The following DLGAP2 variants were observed in gnomAD, a reference collection of about 807,000 sequenced individuals.
The protein encoded by DLGAP2 is DLG associated protein 2.
DLGAP2 carries 26 observed loss-of-function variants against 100.3 expected under a neutral mutation model. The ratio of observed to expected loss-of-function variants is 0.26; its 90% CI spans 0.19 to 0.36. DLGAP2 has a LOEUF of 0.36. Ranked by LOEUF, DLGAP2 falls within the 10% of genes least tolerant of loss-of-function variation. The pLI, the probability that DLGAP2 is intolerant of heterozygous loss-of-function variation, is 1.00. For synonymous variants in DLGAP2, 886 were observed against 630.1 expected, an observed-to-expected ratio of 1.41 and a Z score of -6.08; for missense variants, 1,858 against 1,453.2, an observed-to-expected ratio of 1.28 and a Z score of -4.53.
At position 1,166,721 on chromosome 8, in the gene DLGAP2, A is replaced by G. The variant is rs569399858; in HGVS notation, c.74-92130A>G. Among the ~76,000 whole-genome samples the G allele has an allele frequency of 2.0e-5, 3 of 152,314 alleles. No individual in the cohort carries two copies. In the South Asian group the frequency reaches 6.2e-4, roughly 32 times the overall value. ...TGTGAACGTGTATCTATCAAAAAAC[A>G]TCACAGTTTACCTCTCAATAAATTA... On this transcript the variant is annotated intron_variant, in intron 2 of 14. Coordinates refer to ENST00000637795, the MANE Select transcript of DLGAP2 (RefSeq NM_001346810.2).
intron 6 of DLGAP2, among the ~76,000 whole-genome samples, chr8:1,600,699 T>C (rs1405572155): frequency 6.6e-6 from 1 of 152,254 alleles, no homozygotes; most frequent in Non-Finnish European, 1.5e-5. Flanking sequence ...CACGAAGTTC[T>C]CATGCTGCGT....
chr8:1,048,295 A>G (rs1381460731), intron 2 of DLGAP2, among the ~76,000 whole-genome samples: 3 of 152,080 alleles, frequency 2.0e-5, no homozygotes, highest in African/African-American at 7.2e-5. Flanking sequence ...AGGACACCCC[A>G]AGGCTCACAG....
rs77775446 is a variant in DLGAP2, at chr8:1,413,531, T to G, written c.107-87835T>G. Reference sequence around the variant, plus strand: ...TGCACTAAATCTGGCAAGTATAGAGTTATAATGGAAATGAAAAAATGTTTT... The same window carrying G: ...TGCACTAAATCTGGCAAGTATAGAGGTATAATGGAAATGAAAAAATGTTTT... On this transcript the variant is annotated intron_variant, in intron 3 of 14. Transcript: ENST00000637795. Among the ~76,000 whole-genome samples, 447 of 152,198 alleles carry G rather than the reference T, an allele frequency of 2.9e-3. 9 individuals are homozygous for G. The East Asian group carries it at 0.047, about 16-fold the overall frequency.
At chr8:1,355,093 G>T (rs1201646846) in intron 3 of DLGAP2, among the ~76,000 whole-genome samples, 1 of 152,354 alleles carries the variant, frequency 6.6e-6, no homozygotes, top group South Asian at 2.1e-4. Flanking sequence ...GGATGATTCT[G>T]TGGATGAAGG....
chr8:896,836 C>G (rs1435707236), intron 1 of DLGAP2, among the ~76,000 whole-genome samples: 2 of 152,152 alleles, frequency 1.3e-5, no homozygotes, highest in Non-Finnish European at 2.9e-5. Context: ...GTTTTATCAG[C>G]CCCAGCTGAC....
chr8:1,499,113 C>T (rs1348574858), intron 3 of DLGAP2, among the ~76,000 whole-genome samples: 1 of 152,248 alleles, frequency 6.6e-6, no homozygotes, highest in African/African-American at 2.4e-5. Flanking sequence ...GTCCCCACTC[C>T]TCATTCTTGG....
At chr8:1,665,864 C>T (rs1273254208) in intron 8 of DLGAP2, among the ~76,000 whole-genome samples, 1 of 152,258 alleles carries the variant, frequency 6.6e-6, no homozygotes, top group Admixed American at 6.5e-5. Context: ...CTCTCCAGGG[C>T]TGTCACGTGG....
chr8:1,071,654 T>C (rs1270163082), intron 2 of DLGAP2, among the ~76,000 whole-genome samples: 1 of 152,192 alleles, frequency 6.6e-6, no homozygotes, highest in Non-Finnish European at 1.5e-5. Flanking sequence ...TTAAGCCTTA[T>C]TTTTTTAAGG....
intron 1 of DLGAP2, among the ~76,000 whole-genome samples, chr8:784,831 T>A (rs1821793908): frequency 6.6e-6 from 1 of 152,212 alleles, no homozygotes; most frequent in Non-Finnish European, 1.5e-5. Flanking sequence ...AAGCCGCATC[T>A]TTATAGTGTT....
At chr8:1,158,049 T>C (rs1448235196) in intron 2 of DLGAP2, among the ~76,000 whole-genome samples, 1 of 152,356 alleles carries the variant, frequency 6.6e-6, no homozygotes, top group African/African-American at 2.4e-5. Flanking sequence ...CCCTAGCTTA[T>C]GGCACTGTGC....
chr8:1,248,037 G>C (rs146692950), intron 2 of DLGAP2, among the ~76,000 whole-genome samples: 1 of 4,296 alleles, frequency 2.3e-4, no homozygotes, highest in Non-Finnish European at 5.5e-4. Flanking sequence ...CGGTGGCTGG[G>C]AAGACATTTG....
At chr8:963,443 C>G (rs923631193) in intron 2 of DLGAP2, among the ~76,000 whole-genome samples, 5 of 152,080 alleles carry the variant, frequency 3.3e-5, no homozygotes, top group Admixed American at 1.3e-4. Context: ...CCAGTCTTCT[C>G]TATGTATATG....
intron 6 of DLGAP2, among the ~76,000 whole-genome samples, chr8:1,606,390 C>G (rs1166667093): frequency 3.3e-5 from 5 of 152,100 alleles, no homozygotes. Flanking sequence ...AAAAGAAACC[C>G]TGTACCGTCA....
intron 2 of DLGAP2, among the ~76,000 whole-genome samples, chr8:956,457 G>C (rs1799599904): frequency 6.6e-6 from 1 of 152,158 alleles, no homozygotes; most frequent in Non-Finnish European, 1.5e-5. Flanking sequence ...CAAATGAGAG[G>C]ACCCTCTCAG....
intron 1 of DLGAP2, among the ~76,000 whole-genome samples, chr8:770,022 T>C (rs1447658766): frequency 6.6e-6 from 1 of 152,232 alleles, no homozygotes; most frequent in Non-Finnish European, 1.5e-5. Context: ...GAGATAGCTT[T>C]AAGTACGAAT....
At chr8:1,665,383 C>A (rs1043865753) in intron 8 of DLGAP2, among the ~76,000 whole-genome samples, 1 of 152,174 alleles carries the variant, frequency 6.6e-6, no homozygotes, top group Non-Finnish European at 1.5e-5. Flanking sequence ...ATTACTTCCT[C>A]CCTGTTGCAT....
chr8:1,346,549 C>T (rs180685083), intron 3 of DLGAP2, among the ~76,000 whole-genome samples: 6 of 151,860 alleles, frequency 4.0e-5, no homozygotes, highest in African/African-American at 1.5e-4. Flanking sequence ...GCATTGCACT[C>T]ATGGTAGCTG....
chr8:1,264,996 C>T (rs1318773773), intron 3 of DLGAP2, among the ~76,000 whole-genome samples: 1 of 152,186 alleles, frequency 6.6e-6, no homozygotes, highest in Non-Finnish European at 1.5e-5. Context: ...CTTTGCCTTC[C>T]ACCATGATTG....
At chr8:990,009 A>G (rs1260000714) in intron 2 of DLGAP2, among the ~76,000 whole-genome samples, 1 of 152,122 alleles carries the variant, frequency 6.6e-6, no homozygotes, top group African/African-American at 2.4e-5. Flanking sequence ...TGCCGCTCCC[A>G]GCCAACCTCC....
Sources: allele counts gnomAD v4.1 joint callset (sites outside exome capture counted in the v4.1 genomes callset), GRCh38; gene constraint gnomAD v4.1.1; transcripts MANE v1.5; gene names NCBI Gene and HGNC (gene_info 2026-07-23, HGNC 2026-07-21).